The following SORCS1 variants were observed in gnomAD, a reference collection of about 807,000 sequenced individuals.
The protein encoded by SORCS1 is VPS10 domain-containing receptor SorCS1.
SORCS1 carries 60 observed loss-of-function variants against 146.1 expected under a neutral mutation model. That is an observed-to-expected ratio of 0.41 (90% CI 0.33 to 0.51). SORCS1 has a LOEUF of 0.51. SORCS1 is among the 20% of genes least tolerant of loss of function. The pLI, the probability that SORCS1 is intolerant of heterozygous loss-of-function variation, is 0.21. For synonymous variants in SORCS1, 637 were observed against 584.0 expected, an observed-to-expected ratio of 1.09 and a Z score of -1.31; for missense variants, 1,352 against 1,487.6, an observed-to-expected ratio of 0.91 and a Z score of 1.50.
intron 24 of SORCS1, among the ~76,000 whole-genome samples, chr10:106,587,830 C>T (rs1314841542): frequency 1.3e-5 from 2 of 152,010 alleles, no homozygotes; most frequent in African/African-American, 4.8e-5. Flanking sequence ...AAGCAAAGTT[C>T]CTGTGTATTT....
At chr10:107,016,315 C>T (rs1052011887) in intron 1 of SORCS1, among the ~76,000 whole-genome samples, 2 of 152,106 alleles carry the variant, frequency 1.3e-5, no homozygotes, top group Admixed American at 1.3e-4. Context: ...GAAAATGAAT[C>T]CTGACTGTTA....
chr10:106,837,041 G>A (rs921841237), intron 2 of SORCS1, among the ~76,000 whole-genome samples: 29 of 152,124 alleles, frequency 1.9e-4, no homozygotes, highest in Admixed American at 1.8e-3. Flanking sequence ...ATGCCAATAC[G>A]TCAAAACTAG....
intron 1 of SORCS1, among the ~76,000 whole-genome samples, chr10:106,977,461 T>C (rs1956075496): frequency 6.6e-6 from 1 of 152,180 alleles, no homozygotes; most frequent in African/African-American, 2.4e-5. Context: ...TTGCAAAAAT[T>C]TTCTCCCATT....
intron 24 of SORCS1, among the ~76,000 whole-genome samples, chr10:106,582,984 T>C (rs1421459234): frequency 1.3e-5 from 2 of 152,142 alleles, no homozygotes. Context: ...ACATTTGGGG[T>C]TAAGTAATGA....
intron 5 of SORCS1, among the ~76,000 whole-genome samples, chr10:106,748,071 G>A (rs979201180): frequency 6.6e-6 from 1 of 151,900 alleles, no homozygotes; most frequent in Non-Finnish European, 1.5e-5. Flanking sequence ...TACATCAGTA[G>A]GTATCTTATG....
rs189146423 is a variant in SORCS1 at position 106,835,220 on chromosome 10, T to C, written c.627-5547A>G. 2.0e-5 allele frequency among the ~76,000 whole-genome samples: 3 copies of C among 152,168 alleles called. No individual in the cohort carries two copies. The East Asian group carries it at 5.8e-4, about 29-fold the overall frequency. On this transcript the variant is annotated intron_variant, in intron 2 of 25. Coordinates refer to ENST00000263054, the MANE Select transcript of SORCS1 (RefSeq NM_052918.5). The stretch of plus-strand genomic sequence containing the variant: ...AGGATACAGCTAGTTTCCATAAGAG[T>C]TGCAGAAATGCAGTGTGTGACTGGA...
At chr10:106,674,113 G>A (rs555879962) in intron 14 of SORCS1, among the ~76,000 whole-genome samples, 6 of 147,198 alleles carry the variant, frequency 4.1e-5, no homozygotes, top group Non-Finnish European at 7.4e-5. Flanking sequence ...TCAGGAGATC[G>A]AGACCATCCT....
chr10:106,885,195 A>AT (rs1224505118), intron 2 of SORCS1, among the ~76,000 whole-genome samples: 2 of 149,006 alleles, frequency 1.3e-5, no homozygotes, highest in African/African-American at 5.0e-5. Context: ...TAATCATATA[A>AT]TTTTTTCTTC....
chr10:106,622,289 G>GAAAAAAAAAAAAAAAAA (rs554464573), intron 19 of SORCS1, among the ~76,000 whole-genome samples: 1 of 39,040 alleles, frequency 2.6e-5, no homozygotes, highest in African/African-American at 8.4e-5. Flanking sequence ...ATTCCATCTC[G>GAAAAAAAAAAAAAAAAA]AAAAAAAAAA....
intron 1 of SORCS1, among the ~76,000 whole-genome samples, chr10:107,160,487 T>C (rs1969618122): frequency 6.6e-6 from 1 of 152,248 alleles, no homozygotes; most frequent in South Asian, 2.1e-4. Context: ...TGGGACTCAA[T>C]TTATTCACTA....
intron 1 of SORCS1, among the ~76,000 whole-genome samples, chr10:107,108,286 A>G (rs1965439081): frequency 6.6e-6 from 1 of 152,212 alleles, no homozygotes; most frequent in East Asian, 1.9e-4. Flanking sequence ...GATAATTTAT[A>G]AAGAAAAGAT....
intron 1 of SORCS1, among the ~76,000 whole-genome samples, chr10:107,163,294 C>G (rs915705042): frequency 6.6e-6 from 1 of 152,142 alleles, no homozygotes; most frequent in African/African-American, 2.4e-5. Context: ...TGGGACTGAC[C>G]ATGCCAGAGA....
intron 1 of SORCS1, among the ~76,000 whole-genome samples, chr10:107,003,425 CATAA>C (rs1425623176): frequency 2.4e-5 from 3 of 127,316 alleles, no homozygotes; most frequent in African/African-American, 1.0e-4. Flanking sequence ...AATAAATTCC[CATAA>C]GTGTGTGTGT....
intron 1 of SORCS1, among the ~76,000 whole-genome samples, chr10:107,144,601 G>T (rs940998072): frequency 6.6e-6 from 1 of 152,230 alleles, no homozygotes; most frequent in African/African-American, 2.4e-5. Context: ...TCTGCAGCTA[G>T]CTGGCCTCTG....
chr10:106,815,242 C>A (rs1344481957), intron 3 of SORCS1, among the ~76,000 whole-genome samples: 1 of 152,042 alleles, frequency 6.6e-6, no homozygotes, highest in East Asian at 1.9e-4. Flanking sequence ...CAGGCATGAG[C>A]CACCTAACCC....
chr10:106,855,316 G>T (rs563800500), intron 2 of SORCS1, among the ~76,000 whole-genome samples: 2 of 152,164 alleles, frequency 1.3e-5, no homozygotes, highest in South Asian at 4.1e-4. Context: ...TTGATTATCT[G>T]AATTTTGAAT....
At chr10:106,720,157 C>G (rs1482375985) in intron 6 of SORCS1, among the ~76,000 whole-genome samples, 3 of 152,122 alleles carry the variant, frequency 2.0e-5, no homozygotes, top group African/African-American at 4.8e-5. Context: ...ATAACATCTC[C>G]CCTAACTAGA....
upstream of SORCS1, among the ~76,000 whole-genome samples, chr10:107,165,797 G>A (rs949084694): frequency 5.3e-5 from 8 of 152,100 alleles, no homozygotes; most frequent in Admixed American, 2.0e-4. The surrounding 1 kb of genome is among the most constrained non-coding windows in gnomAD (Gnocchi z 4.0). Flanking sequence ...GGTTTGCTTT[G>A]GGACCTCAGA....
chr10:106,912,762 TC>T (rs1236205886), intron 2 of SORCS1, among the ~76,000 whole-genome samples: 1 of 152,120 alleles, frequency 6.6e-6, no homozygotes, highest in Non-Finnish European at 1.5e-5. Context: ...CACTGCAACC[TC>T]CACCTCCTGG....
Sources: gnomAD v4.1 joint callset for allele counts (sites outside exome capture counted in the v4.1 genomes callset) on GRCh38, gnomAD v4.1.1 for gene constraint, Gnocchi (gnomAD v3.1) non-coding constraint, MANE v1.5 for transcripts, NCBI Gene and HGNC (gene_info 2026-07-23, HGNC 2026-07-21) for gene names.